Variants in CADM2 observed in about 807,000 individuals in gnomAD.
The protein encoded by CADM2 is immunoglobulin superfamily member 4D.
A neutral mutation model predicts 49.8 loss-of-function variants in CADM2; 12 were observed. That is an observed-to-expected ratio of 0.24 (90% CI 0.15 to 0.39). The LOEUF (loss-of-function observed/expected upper bound fraction) is 0.39, where lower values mean the gene tolerates loss of function less well. Among genes scored for constraint, CADM2 ranks in the 10% least tolerant of loss-of-function variants. The pLI is 1.00. For synonymous variants in CADM2, 214 were observed against 175.4 expected, an observed-to-expected ratio of 1.22 and a Z score of -1.74; for missense variants, 378 against 492.3, an observed-to-expected ratio of 0.77 and a Z score of 2.20.
intron 1 of CADM2, among the ~76,000 whole-genome samples, chr3:85,458,202 C>A (rs1012389074): frequency 6.6e-6 from 1 of 152,208 alleles, no homozygotes; most frequent in Non-Finnish European, 1.5e-5. Flanking sequence ...ATCTGTCTCT[C>A]CTGCTGAATA....
At chr3:86,027,864 A>G (rs1040981636) in intron 8 of CADM2, 2 of 152,210 alleles carry the variant, frequency 1.3e-5, no homozygotes, top group East Asian at 3.9e-4. Flanking sequence ...TTAGAAATAT[A>G]CAAATAAATG....
At chr3:85,575,180 G>A (rs539821797) in intron 1 of CADM2, among the ~76,000 whole-genome samples, 9 of 152,226 alleles carry the variant, frequency 5.9e-5, no homozygotes, top group African/African-American at 1.7e-4. Flanking sequence ...ATGTGTATCC[G>A]TAAGTTCCTT....
At chr3:85,644,765 T>TTCAAGTACAGTAG (rs2064835220) in intron 1 of CADM2, among the ~76,000 whole-genome samples, 1 of 152,166 alleles carries the variant, frequency 6.6e-6, no homozygotes, top group South Asian at 2.1e-4. Flanking sequence ...TTTCTAGAGC[T>TTCAAGTACAGTAG]TCAAGTACAG....
intron 1 of CADM2, among the ~76,000 whole-genome samples, chr3:84,985,068 G>T (rs1402972547): frequency 6.6e-6 from 1 of 152,014 alleles, no homozygotes; most frequent in Non-Finnish European, 1.5e-5. Context: ...TTTGGTACGT[G>T]GGTTTATGTT....
intron 1 of CADM2, among the ~76,000 whole-genome samples, chr3:85,692,731 C>T (rs2066423609): frequency 6.6e-6 from 1 of 152,140 alleles, no homozygotes; most frequent in Non-Finnish European, 1.5e-5. Flanking sequence ...ACCAGTTATT[C>T]TCTGTTTCAA....
intron 1 of CADM2, among the ~76,000 whole-genome samples, chr3:85,433,065 ATTTATACATGTAT>A (rs1250703103): frequency 1.3e-5 from 2 of 152,098 alleles, no homozygotes; most frequent in African/African-American, 4.8e-5. Flanking sequence ...GTATTTAAGA[ATTTATACATGTAT>A]TTAGGATAGG....
intron 8 of CADM2, among the ~76,000 whole-genome samples, chr3:86,051,418 C>A (rs1467636275): frequency 6.6e-6 from 1 of 152,200 alleles, no homozygotes; most frequent in Non-Finnish European, 1.5e-5. Flanking sequence ...TTCCACTCAT[C>A]TTCTTATCTT....
intron 1 of CADM2, among the ~76,000 whole-genome samples, chr3:85,328,763 G>A (rs1430568955): frequency 1.3e-5 from 2 of 152,148 alleles, no homozygotes; most frequent in East Asian, 1.9e-4. Context: ...TCTAGAGACA[G>A]CCTCTTCAGG....
rs368627772 is a variant in CADM2 at position 85,248,205 on chromosome 3, C to T, written c.61+288537C>T. ...AAATAATATGGCATTGCATGCAGCACGATTGCTTTTTGAATTTTCTCTGAT... is the reference window on the plus strand; with the variant it reads ...AAATAATATGGCATTGCATGCAGCATGATTGCTTTTTGAATTTTCTCTGAT... On this transcript the variant is annotated intron_variant, in intron 1 of 9. Coordinates refer to ENST00000383699, the MANE Select transcript of CADM2 (RefSeq NM_001167675.2). Among the ~76,000 whole-genome samples the T allele has an allele frequency of 2.1e-3, 325 of 152,080 alleles. 1 individual carries two copies. The highest frequency in any genetic ancestry group is 7.5e-3 in the African/African-American group (310 of 41,506).
rs2035239619 is a variant in CADM2 at position 85,403,841 on chromosome 3, G to T, written c.62-322681G>T. On this transcript the variant is annotated intron_variant, in intron 1 of 9. Coordinates refer to ENST00000383699, the MANE Select transcript of CADM2 (RefSeq NM_001167675.2). ...TTAGCTGAAGAGTGCTGAGGACAATGGCTATGTTGGTATGACATGTTAAAA... is the reference window on the plus strand; with the variant it reads ...TTAGCTGAAGAGTGCTGAGGACAATTGCTATGTTGGTATGACATGTTAAAA... Among the ~76,000 whole-genome samples the T allele has an allele frequency of 2.0e-5, 3 of 152,036 alleles. No individual in the cohort carries two copies. In the South Asian group the frequency reaches 6.2e-4, roughly 32 times the overall value.
chr3:85,321,109 T>G (rs2044590740), intron 1 of CADM2, among the ~76,000 whole-genome samples: 1 of 38,528 alleles, frequency 2.6e-5, no homozygotes, highest in Non-Finnish European at 5.5e-5. Context: ...TATATATATA[T>G]ATATATATTT....
chr3:85,663,666 T>C (rs553290704), intron 1 of CADM2, among the ~76,000 whole-genome samples: 20 of 152,166 alleles, frequency 1.3e-4, no homozygotes, highest in African/African-American at 4.8e-4. Flanking sequence ...CAATGGCTCC[T>C]TCTTTTTCCT....
At chr3:85,321,116 A>ATT (rs1157576505) in intron 1 of CADM2, among the ~76,000 whole-genome samples, 1 of 27,494 alleles carries the variant, frequency 3.6e-5, no homozygotes, top group Non-Finnish European at 6.5e-5. Context: ...ATATATATAT[A>ATT]TTTTTTTTTT....
At chr3:85,116,636 T>C (rs1334768667) in intron 1 of CADM2, among the ~76,000 whole-genome samples, 3 of 152,180 alleles carry the variant, frequency 2.0e-5, no homozygotes, top group Non-Finnish European at 4.4e-5. Flanking sequence ...TTTATTTTAA[T>C]ATTTATTGCT....
chr3:85,131,011 C>T (rs1454759718), intron 1 of CADM2, among the ~76,000 whole-genome samples: 4 of 151,984 alleles, frequency 2.6e-5, no homozygotes, highest in Non-Finnish European at 5.9e-5. Context: ...AGTGAAACTC[C>T]GTCTCTACTA....
At chr3:85,551,304 C>A (rs1158859344) in intron 1 of CADM2, among the ~76,000 whole-genome samples, 3 of 152,134 alleles carry the variant, frequency 2.0e-5, no homozygotes, top group African/African-American at 7.2e-5. Context: ...TCTTAGCAAT[C>A]CTTCAGCAAT....
chr3:85,334,230 T>G (rs2045015228), intron 1 of CADM2, among the ~76,000 whole-genome samples: 1 of 151,520 alleles, frequency 6.6e-6, no homozygotes, highest in African/African-American at 2.4e-5. Context: ...TATCATTTTC[T>G]CAAGTTATCA....
intron 1 of CADM2, among the ~76,000 whole-genome samples, chr3:85,280,756 G>A (rs1409887490): frequency 6.6e-6 from 1 of 151,490 alleles, no homozygotes; most frequent in Non-Finnish European, 1.5e-5. Context: ...GATGCTATAG[G>A]AGAAATAAAG....
chr3:85,033,517 C>CTTATTCCTTG (rs1177296995), intron 1 of CADM2, among the ~76,000 whole-genome samples: 1 of 152,140 alleles, frequency 6.6e-6, no homozygotes, highest in African/African-American at 2.4e-5. Flanking sequence ...TCTGTTATTC[C>CTTATTCCTTG]TTATTCCTTG....
Sources: allele counts gnomAD v4.1 joint callset (sites outside exome capture counted in the v4.1 genomes callset), GRCh38; gene constraint gnomAD v4.1.1; transcripts MANE v1.5; gene names NCBI Gene and HGNC (gene_info 2026-07-23, HGNC 2026-07-21).